SLC3A2: variants seen among roughly 807,000 people sequenced by gnomAD.
SLC3A2 encodes the protein solute carrier family 3 member 2, also known as amino acid transporter heavy chain SLC3A2.
A neutral mutation model predicts 48.5 loss-of-function variants in SLC3A2; 32 were observed. The ratio of observed to expected loss-of-function variants is 0.66; its 90% CI spans 0.50 to 0.89. The LOEUF is 0.89. SLC3A2 is among the 40% of genes least tolerant of loss of function. The probability of loss-of-function intolerance (pLI) is 0.00; values close to 1 mark genes in which losing one functional copy is unlikely to be tolerated. For missense variants in SLC3A2, 587 were observed against 680.7 expected (o/e 0.86, Z 1.53); for synonymous variants, 277 against 288.8 (o/e 0.96, Z 0.41).
intron 1 of SLC3A2, among the ~76,000 whole-genome samples, chr11:62,865,054 T>C (rs1242273635): frequency 6.6e-6 from 1 of 152,162 alleles, no homozygotes; most frequent in Non-Finnish European, 1.5e-5. Context: ...GATGAAGCTT[T>C]GGGTTTCCAG....
chr11:62,877,261 A>T (rs1242240769), upstream of SLC3A2, among the ~76,000 whole-genome samples: 1 of 151,892 alleles, frequency 6.6e-6, no homozygotes, highest in Non-Finnish European at 1.5e-5. Context: ...GCGTTTCACC[A>T]TGTTGGCCAG....
chr11:62,869,845 C>G (rs1281289795), intron 1 of SLC3A2, among the ~76,000 whole-genome samples: 2 of 148,258 alleles, frequency 1.3e-5, no homozygotes, highest in African/African-American at 2.5e-5. Flanking sequence ...TGCAGTGGCG[C>G]GATCTCGGCT....
intron 1 of SLC3A2, among the ~76,000 whole-genome samples, chr11:62,866,960 G>A (rs2085458804): frequency 6.6e-6 from 1 of 151,994 alleles, no homozygotes; most frequent in African/African-American, 2.4e-5. Flanking sequence ...AAAACTTTAA[G>A]GTGAATCTGC....
intron 1 of SLC3A2, among the ~76,000 whole-genome samples, chr11:62,862,775 C>G (rs2085415293): frequency 6.6e-6 from 1 of 152,110 alleles, no homozygotes; most frequent in African/African-American, 2.4e-5. Context: ...AATGATTTTG[C>G]TCTTAGAGAG....
intron 1 of SLC3A2, among the ~76,000 whole-genome samples, chr11:62,867,875 A>G (rs988734945): frequency 3.9e-5 from 6 of 152,026 alleles, no homozygotes; most frequent in Non-Finnish European, 8.8e-5. Flanking sequence ...TTCTAGTTAG[A>G]AATTTTCTAC....
upstream of SLC3A2, chr11:62,876,820 T>G: frequency 1.5e-6 from 1 of 680,550 alleles, no homozygotes; most frequent in Non-Finnish European, 2.0e-6. Context: ...CAGGCTGATA[T>G]TGAATTCCTG....
chr11:62,864,403 C>T (rs1164279826), intron 1 of SLC3A2, among the ~76,000 whole-genome samples: 1 of 152,042 alleles, frequency 6.6e-6, no homozygotes, highest in Non-Finnish European at 1.5e-5. Flanking sequence ...ATTCTTGGTC[C>T]TCAGCCTCCC....
At chr11:62,888,019 T>A in intron 7 of SLC3A2, 116 bp from the exon 8 acceptor site, 9 of 883,598 alleles carry the variant, frequency 1.0e-5, no homozygotes, top group Non-Finnish European at 1.4e-5. Context: ...TGGTTTCAAA[T>A]GCCTGGGCTC....
exon 1 of SLC3A2, chr11:62,856,359 T>A: frequency 6.2e-7 from 1 of 1,612,226 alleles, no homozygotes; most frequent in Non-Finnish European, 8.5e-7. Context: ...GTGTCCAGGG[T>A]CTCAGCGCGG....
At chr11:62,871,323 C>A (rs1035431518) in intron 1 of SLC3A2, among the ~76,000 whole-genome samples, 1 of 150,692 alleles carries the variant, frequency 6.6e-6, no homozygotes, top group African/African-American at 2.4e-5. Context: ...ACTGCAACCT[C>A]TGCCTCCCAG....
chr11:62,859,479 A>G (rs950775263), intron 1 of SLC3A2, among the ~76,000 whole-genome samples: 1 of 152,142 alleles, frequency 6.6e-6, no homozygotes, highest in Non-Finnish European at 1.5e-5. Context: ...TCCCCACATT[A>G]GAGACCAGCA....
chr11:62,862,232 GC>G, intron 1 of SLC3A2, among the ~76,000 whole-genome samples: 1 of 146,124 alleles, frequency 6.8e-6, no homozygotes, highest in Admixed American at 7.2e-5. Flanking sequence ...CATAAGAATT[GC>G]TTGAACCTGG....
Position 62,884,541 on chromosome 11 carries a change from A to C in SLC3A2, c.759+16A>C, listed in dbSNP as rs1164124000. 2.5e-6 allele frequency: 4 copies of C among 1,614,044 alleles called. No individual in the cohort carries two copies. The South Asian group carries it at 4.4e-5, about 18-fold the overall frequency. On this transcript the variant is annotated intron_variant, in intron 4 of 8. Transcript: ENST00000338663. ...GAATCTGAAGGTGAGTTCCCTTTCC[A>C]CATTAGGGACAAAGCTTGGGCGAGA...
intron 1 of SLC3A2, among the ~76,000 whole-genome samples, chr11:62,874,573 C>T (rs1170411757): frequency 6.6e-6 from 1 of 152,130 alleles, no homozygotes; most frequent in Non-Finnish European, 1.5e-5. Flanking sequence ...GTAAGACAAC[C>T]CTGACAGGTC....
At chr11:62,871,291 TGCAGTG>T (rs1339889159) in intron 1 of SLC3A2, among the ~76,000 whole-genome samples, 4 of 150,518 alleles carry the variant, frequency 2.7e-5, no homozygotes, top group Non-Finnish European at 5.9e-5. Flanking sequence ...CAGGCTGCAG[TGCAGTG>T]GCGTGATCTT....
At chr11:62,880,799 C>T, upstream of SLC3A2, 1 of 880,104 alleles carries the variant, frequency 1.1e-6, no homozygotes, top group South Asian at 2.1e-5. Context: ...TACCCTGAGC[C>T]GCCCACGGCT....
intron 1 of SLC3A2, among the ~76,000 whole-genome samples, chr11:62,873,199 T>A (rs1424341918): frequency 2.0e-5 from 3 of 151,754 alleles, no homozygotes; most frequent in East Asian, 1.9e-4. Flanking sequence ...ATTTAAAAAA[T>A]TTTTTGTGGC....
intron 1 of SLC3A2, among the ~76,000 whole-genome samples, chr11:62,865,449 A>G (rs929740835): frequency 6.7e-6 from 1 of 150,210 alleles, no homozygotes; most frequent in Non-Finnish European, 1.5e-5. Flanking sequence ...GCTACTAGGG[A>G]GGCTGAGGCA....
In SLC3A2 at chr11:62,881,741, T is replaced by G. The variant is rs1013827168; in HGVS notation, c.425-152T>G. 2 of 911,564 alleles carry G rather than the reference T, an allele frequency of 2.2e-6. No homozygotes were observed. Among genetic ancestry groups the G allele is most frequent in the African/African-American group, 3.3e-5 (2 of 59,826 alleles). 56.5% of individuals were successfully genotyped at this position (911,564 alleles called of 1,614,324 possible). On this transcript the variant is annotated intron_variant, in intron 1 of 8. Coordinates refer to ENST00000338663, the MANE Select transcript of SLC3A2 (RefSeq NM_001013251.3). This position sits in a 1 kb window ranked among gnomAD's most constrained non-coding sequence, Gnocchi z 4.0. ...GAAGTAATGTGCAGGACTCCTTACA[T>G]CAGCTCCTCTGAGTCTCGTGATTCA...
Sources: gnomAD v4.1 joint callset for allele counts (sites outside exome capture counted in the v4.1 genomes callset) on GRCh38, gnomAD v4.1.1 for gene constraint, Gnocchi (gnomAD v3.1) non-coding constraint, MANE v1.5 for transcripts, NCBI Gene and HGNC (gene_info 2026-07-23, HGNC 2026-07-21) for gene names.